Variants in RALGDS observed in about 807,000 individuals in gnomAD.
RALGDS encodes ral guanine nucleotide exchange factor.
Under a neutral mutation model 99.8 loss-of-function variants are expected in RALGDS, and 44 were observed. That is an observed-to-expected ratio of 0.44 (90% CI 0.35 to 0.57). The LOEUF is 0.57. RALGDS is among the 20% of genes least tolerant of loss of function. RALGDS has a pLI of 0.01. For missense variants in RALGDS, 1,022 were observed against 1,203.1 expected (o/e 0.85, Z 2.23); for synonymous variants, 529 against 505.0 (o/e 1.05, Z -0.64).
At chr9:133,123,549 C>T (rs943345410), upstream of RALGDS, among the ~76,000 whole-genome samples, 5 of 152,174 alleles carry the variant, frequency 3.3e-5, no homozygotes, top group Non-Finnish European at 5.9e-5. Flanking sequence ...CGGGGGAGGG[C>T]GTTACTTAGC....
rs543124672 is a variant in RALGDS at position 133,109,568 on chromosome 9, A to G, written c.584+58T>C. 4.1e-6 allele frequency: 6 copies of G among 1,466,662 alleles called. No homozygotes were observed. In the South Asian group the frequency reaches 6.8e-5, roughly 17 times the overall value. The allele number at this position is 1,466,662 out of a possible 1,614,324, so 90.9% of individuals were successfully genotyped here. A position where few individuals can be genotyped will look rare whatever the true frequency, so the allele number is the denominator to read the frequency against. On this transcript the variant is annotated intron_variant, in intron 4 of 17. Coordinates refer to ENST00000372050, the MANE Select transcript of RALGDS (RefSeq NM_006266.4). ...CCCGGCTCCGGCCCCAGCCCCATGTACTCTCCCACTGTTCGGTGGGGACAG... is the reference window on the plus strand; with the variant it reads ...CCCGGCTCCGGCCCCAGCCCCATGTGCTCTCCCACTGTTCGGTGGGGACAG...
Position 133,100,276 on chromosome 9 carries a change from T to C in RALGDS, c.2561A>G (p.Asp854Gly), listed in dbSNP as rs1830691026. 6.8e-6 allele frequency: 11 copies of C among 1,614,168 alleles called. No individual in the cohort carries two copies. The highest frequency in any genetic ancestry group is 9.3e-6 in the Non-Finnish European group (11 of 1,179,978). ...EDYELLQILS[D>G]DRKLKIPENA... ...CTGGTCTTCTGACTTACTCCGGTCA[T>C]CTGAGAGAATCTGCAGCAGCTCATA... The change falls in exon 17 of 18, where the codon GAT becomes GGT. Residue 854 changes from aspartate (D) to glycine (G), a missense_variant. Asp to Gly is a moderately conservative substitution (Grantham distance 94, BLOSUM62 -1). This residue lies in a region of RALGDS where 825 missense variants were observed against 994.5 expected (regional missense o/e 0.83). Transcript: ENST00000372050.
rs1830606570 is a variant in RALGDS, at chr9:133,098,714, G to A, written c.2618C>T (p.Thr873Ile). 6.2e-7 allele frequency: 1 copy of A among 1,614,130 alleles called. No individual in the cohort carries two copies. The highest frequency in any genetic ancestry group is 1.3e-5 in the African/African-American group (1 of 75,050). The change falls in exon 18 of 18, where the codon ACC (threonine) becomes ATC (isoleucine). Residue 873 changes from threonine to isoleucine, a missense_variant. Thr to Ile is a moderately conservative substitution (Grantham distance 89). Transcript: ENST00000372050. ...CTTGAGGACAAAGTCATAGTTGGCG[G>A]TAGAGTTCATGGCATAGAAGACGTT... ...NANVFYAMNS[T>I]ANYDFVLKKR...
At chr9:133,100,493 C>A in intron 16 of RALGDS, 111 bp from the exon 17 acceptor site, 2 of 1,593,274 alleles carry the variant, frequency 1.3e-6, no homozygotes, top group South Asian at 1.1e-5. Context: ...CACAGGCACT[C>A]ACAGCCTCTG....
At chr9:133,127,758 G>A (rs958853638) in intron 1 of RALGDS, among the ~76,000 whole-genome samples, 12 of 152,238 alleles carry the variant, frequency 7.9e-5, no homozygotes, top group African/African-American at 2.2e-4. Flanking sequence ...CCCCACAGGC[G>A]AGAGGCTGAA....
intron 1 of RALGDS, among the ~76,000 whole-genome samples, chr9:133,138,004 TG>T (rs1159054582): frequency 4.6e-5 from 7 of 152,154 alleles, no homozygotes; most frequent in African/African-American, 1.4e-4. Context: ...CCCTTGTGGT[TG>T]GGAGGCTGCC....
At chr9:133,109,414 G>A (rs1375323778) in intron 4 of RALGDS, among the ~76,000 whole-genome samples, 3 of 150,706 alleles carry the variant, frequency 2.0e-5, no homozygotes, top group Admixed American at 6.6e-5. Flanking sequence ...GGGCTGCCCC[G>A]AGCCCCAGCC....
rs116308949 is a variant in RALGDS at position 133,110,600 on chromosome 9, A to C, written c.295-111T>G. ...CTTGTGGCAAGAGGCAGGACTGAGT[A>C]TCTCTAGCAGAAAAAGGTTATCAGC... is the stretch of plus-strand genomic sequence containing the variant. On this transcript the variant is annotated intron_variant, in intron 2 of 17. Transcript: ENST00000372050. 6,698 of 912,324 alleles carry C rather than the reference A, an allele frequency of 7.3e-3. 304 individuals are homozygous for C. The African/African-American group carries it at 0.095, about 13-fold the overall frequency. The allele number at this position is 912,324 out of a possible 1,614,324, so 56.5% of individuals were successfully genotyped here. A position where few individuals can be genotyped will look rare whatever the true frequency, so the allele number is the denominator to read the frequency against.
upstream of RALGDS, among the ~76,000 whole-genome samples, chr9:133,123,166 G>A (rs1832008928): frequency 6.6e-6 from 1 of 152,124 alleles, no homozygotes; most frequent in South Asian, 2.1e-4. Flanking sequence ...AGAGGTGACC[G>A]AGACACTGCC....
At chr9:133,116,030 C>T (rs538869757) in intron 1 of RALGDS, among the ~76,000 whole-genome samples, 10 of 152,348 alleles carry the variant, frequency 6.6e-5, no homozygotes, top group African/African-American at 9.6e-5. Flanking sequence ...GGACAGGAGC[C>T]GGTGGGGCGT....
chr9:133,101,994 C>T lies in RALGDS; in HGVS notation c.2155G>A (p.Val719Met), dbSNP rs774681232. The T allele has an allele frequency of 2.7e-5, 42 of 1,551,956 alleles. No homozygotes were observed. Among genetic ancestry groups the T allele is most frequent in the African/African-American group, 5.5e-5 (4 of 73,100 alleles). Residue 719 changes from valine (V) to methionine (M), a missense_variant, in exon 15 of 18, where the codon GTG becomes ATG. Val to Met is a conservative substitution (Grantham distance 21). Around this residue, in one of 3 missense-constraint regions of RALGDS, gnomAD observed 825 missense variants for 994.5 expected, o/e 0.83. Coordinates refer to ENST00000372050, the MANE Select transcript of RALGDS (RefSeq NM_006266.4). ...VHSAGSSSSD[V>M]EEINISFVPE... ...ACGAAGCTGATGTTGATCTCCTCCA[C>T]GTCGGAGCTAGAGGAGCCGGCCGAG...
rs1554739580 is a variant in RALGDS, at chr9:133,106,847, A to T, written c.1414-99T>A. On this transcript the variant is annotated intron_variant, in intron 7 of 17. Transcript: ENST00000372050. Reference sequence around the variant, plus strand: ...CAAGCCTCCCCTCCTAATGAGACAGACACCCAGGGAGTCCCCAGAGGGCAC... The same window carrying T: ...CAAGCCTCCCCTCCTAATGAGACAGTCACCCAGGGAGTCCCCAGAGGGCAC... 8.8e-6 allele frequency: 9 copies of T among 1,020,336 alleles called. No homozygotes were observed. The South Asian group carries it at 9.5e-5, about 11-fold the overall frequency. The allele number at this position is 1,020,336 out of a possible 1,614,324, so 63.2% of individuals were successfully genotyped here. A position where few individuals can be genotyped will look rare whatever the true frequency, so the allele number is the denominator to read the frequency against.
chr9:133,105,884 CG>C, intron 9 of RALGDS, 47 bp downstream of exon 9: 2 of 58,794 alleles, frequency 3.4e-5, no homozygotes, highest in South Asian at 4.0e-4. Context: ...CCCCAGCCCC[CG>C]CCCCAGCCCC....
rs1398177626 is a variant in RALGDS at position 133,105,836 on chromosome 9, AGCCCCCGCCCCAGCCCCC to A, written c.1602+78_1602+95del. 329 of 188,334 alleles carry A rather than the reference AGCCCCCGCCCCAGCCCCC, an allele frequency of 1.7e-3. 25 individuals are homozygous for A. The African/African-American group carries it at 0.036, about 20-fold the overall frequency. 11.7% of individuals were successfully genotyped at this position (188,334 alleles called of 1,614,324 possible). ...CGCCCGCCGCCCCAGCCCCCGCCCC[AGCCCCCGCCCCAGCCCCC>A]GCCCCAGCCCCAGCCCCCGCCCCAG... On this transcript the variant is annotated intron_variant, in intron 9 of 17. Coordinates refer to ENST00000372050, the MANE Select transcript of RALGDS (RefSeq NM_006266.4).
At position 133,102,520 on chromosome 9, in the gene RALGDS, G is replaced by A. The variant is rs535447123; in HGVS notation, c.1965C>T (p.Thr655=). 8 of 1,614,122 alleles carry A rather than the reference G, an allele frequency of 5.0e-6. No individual in the cohort carries two copies. In the East Asian group the frequency reaches 1.1e-4, roughly 22 times the overall value. The part of the protein sequence containing the change: ...LEPPSESASN[T]LRTKKNTAIV... Reference sequence around the variant, plus strand: ...TGGCTGTGTTCTTCTTGGTCCTGAGGGTGTTGCTGGCTGACTCGGATGGGG... The same window carrying A: ...TGGCTGTGTTCTTCTTGGTCCTGAGAGTGTTGCTGGCTGACTCGGATGGGG... Residue 655 remains threonine, a synonymous_variant, in exon 14 of 18, where the codon ACC becomes ACT. Coordinates refer to ENST00000372050, the MANE Select transcript of RALGDS (RefSeq NM_006266.4).
chr9:133,138,919 C>A (rs1034472864), intron 1 of RALGDS, among the ~76,000 whole-genome samples: 4 of 152,180 alleles, frequency 2.6e-5, no homozygotes, highest in Non-Finnish European at 5.9e-5. Context: ...CAGGCATGAG[C>A]CACCGCACCT....
At chr9:133,148,986 G>A in exon 1 of RALGDS, 1 of 1,587,318 alleles carries the variant, frequency 6.3e-7, no homozygotes, top group Non-Finnish European at 8.5e-7. Flanking sequence ...ATCATCCTCA[G>A]CCTCGGTGGC....
At chr9:133,137,935 G>A (rs1832452875) in intron 1 of RALGDS, among the ~76,000 whole-genome samples, 1 of 152,256 alleles carries the variant, frequency 6.6e-6, no homozygotes, top group South Asian at 2.1e-4. Flanking sequence ...TCAGGCCCCT[G>A]TGTCCAGCAG....
At chr9:133,114,030 C>T (rs561684051) in intron 1 of RALGDS, among the ~76,000 whole-genome samples, 4 of 152,318 alleles carry the variant, frequency 2.6e-5, no homozygotes, top group Non-Finnish European at 4.4e-5. Context: ...CAGGTGGCCT[C>T]GGCTGTCCCT....
Sources: allele counts gnomAD v4.1 joint callset (sites outside exome capture counted in the v4.1 genomes callset), GRCh38; gene constraint gnomAD v4.1.1; regional missense constraint gnomAD v4.1.1; transcripts MANE v1.5; gene names NCBI Gene and HGNC (gene_info 2026-07-23, HGNC 2026-07-21).